COLGALT2: variants seen among roughly 807,000 people sequenced by gnomAD.
The protein encoded by COLGALT2 is collagen beta(1-O)galactosyltransferase 2, also known as procollagen galactosyltransferase 2.
A neutral mutation model predicts 73.4 loss-of-function variants in COLGALT2; 49 were observed. That is an observed-to-expected ratio of 0.67 (90% CI 0.53 to 0.85). The LOEUF is 0.85. COLGALT2 is among the 40% of genes least tolerant of loss of function. COLGALT2 has a pLI of 0.00. For missense variants in COLGALT2, 722 were observed against 790.2 expected, an observed-to-expected ratio of 0.91 and a Z score of 1.03; for synonymous variants, 295 against 307.6, an observed-to-expected ratio of 0.96 and a Z score of 0.43.
chr1:184,016,806 A>G (rs1370558423), intron 1 of COLGALT2, among the ~76,000 whole-genome samples: 5 of 152,224 alleles, frequency 3.3e-5, no homozygotes, highest in Admixed American at 3.3e-4. Flanking sequence ...TCAGAAAAAT[A>G]TTTTATTAGT....
At chr1:183,994,139 C>T (rs1404385603) in intron 1 of COLGALT2, among the ~76,000 whole-genome samples, 3 of 141,578 alleles carry the variant, frequency 2.1e-5, no homozygotes, top group African/African-American at 5.3e-5. Flanking sequence ...CCCGGGTTCA[C>T]ACCATTCTCC....
intron 5 of COLGALT2, 22 bp downstream of exon 5, chr1:183,969,247 T>C: frequency 1.3e-6 from 2 of 1,592,618 alleles, no homozygotes; most frequent in Non-Finnish European, 8.6e-7. Context: ...ATTGTGGCAC[T>C]ACAACCAAAG....
downstream of COLGALT2, among the ~76,000 whole-genome samples, chr1:183,934,144 C>T (rs1669900376): frequency 1.3e-5 from 2 of 152,226 alleles, no homozygotes; most frequent in Middle Eastern, 3.2e-3. Flanking sequence ...CTTGGAACCC[C>T]ATTCAGTGTC....
chr1:184,014,816 T>C (rs1648948228), intron 1 of COLGALT2, among the ~76,000 whole-genome samples: 1 of 152,166 alleles, frequency 6.6e-6, no homozygotes, highest in Non-Finnish European at 1.5e-5. Context: ...AAAATTGAAA[T>C]AATTTTCATC....
chr1:183,963,879 C>G lies in COLGALT2; in HGVS notation c.952+22G>C, dbSNP rs1670790682. 2.5e-6 allele frequency: 4 copies of G among 1,569,152 alleles called. No individual in the cohort carries two copies. In the Admixed American group the frequency reaches 7.1e-5, roughly 28 times the overall value. ...TGTGGCAATGGAACGAGAGCCATCC[C>G]CTCTGCTCCTGGGTCACTCACTCAT... On this transcript the variant is annotated intron_variant, in intron 6 of 11. Transcript: ENST00000361927.
At position 183,937,172 on chromosome 1, in the gene COLGALT2, C is replaced by T. The variant is rs1669978776; in HGVS notation, c.*1589G>A. 1 of 1,226,772 alleles carries T rather than the reference C, an allele frequency of 8.2e-7. No homozygotes were observed. Among genetic ancestry groups the T allele is most frequent in the Non-Finnish European group, 1.0e-6 (1 of 985,444 alleles). The allele number at this position is 1,226,772 out of a possible 1,614,324, so 76.0% of individuals were successfully genotyped here. A position where few individuals can be genotyped will look rare whatever the true frequency, so the allele number is the denominator to read the frequency against. ...GTGGACTCTGCTCTGAAGGGCCCTC[C>T]CCATGAGTTTAAGTGTGAAGCTCAG... On this transcript the variant is annotated 3_prime_UTR_variant, in exon 12 of 12. Transcript: ENST00000361927.
chr1:183,992,485 C>T (rs1671654969), intron 1 of COLGALT2, among the ~76,000 whole-genome samples: 1 of 152,196 alleles, frequency 6.6e-6, no homozygotes, highest in Non-Finnish European at 1.5e-5. Context: ...GGGTCATGAG[C>T]CATCTTCATG....
rs575661785 is a variant in COLGALT2, at chr1:183,936,473, T to C, written c.*2288A>G. ...AATGCTAGAATTTAAGTCCAAAGTC[T>C]TTTAAGAATGAGAGTTCTTAAATCT... is the stretch of plus-strand genomic sequence containing the variant. On this transcript the variant is annotated 3_prime_UTR_variant, in exon 12 of 12. Coordinates refer to ENST00000361927, the MANE Select transcript of COLGALT2 (RefSeq NM_015101.4). 1.9e-4 allele frequency: 191 copies of C among 993,612 alleles called. No homozygotes were observed. The highest frequency in any genetic ancestry group is 2.4e-4 in the Admixed American group (4 of 16,500). The allele number at this position is 993,612 out of a possible 1,614,324, so 61.5% of individuals were successfully genotyped here.
chr1:183,989,381 G>A (rs1466963496), intron 1 of COLGALT2, among the ~76,000 whole-genome samples: 1 of 152,230 alleles, frequency 6.6e-6, no homozygotes, highest in Non-Finnish European at 1.5e-5. Flanking sequence ...TCTGAAACAT[G>A]AGGTCATGGG....
At chr1:183,958,452 A>G (rs963933613) in intron 6 of COLGALT2, among the ~76,000 whole-genome samples, 4 of 152,076 alleles carry the variant, frequency 2.6e-5, no homozygotes, top group African/African-American at 9.7e-5. Flanking sequence ...TGACACCACC[A>G]AATGATGTAA....
At position 183,945,511 on chromosome 1, in the gene COLGALT2, TAGCC is replaced by T; in HGVS notation, c.1186_1189del (p.Gly396IlefsTer10). ...AGGCCTGGAGGAATAGGGATCTCGA[TAGCC>T]AGGCAGCATTTCAATATTCAGTGCC... On this transcript the variant is annotated frameshift_variant, in exon 9 of 12. Transcript: ENST00000361927. LOFTEE classifies it high-confidence loss of function. 2 of 1,614,214 alleles carry T rather than the reference TAGCC, an allele frequency of 1.2e-6. No individual in the cohort carries two copies.
chr1:183,959,279 A>T (rs564029228), intron 6 of COLGALT2, among the ~76,000 whole-genome samples: 20 of 152,260 alleles, frequency 1.3e-4, no homozygotes, highest in African/African-American at 4.6e-4. Flanking sequence ...TCTGATGCTG[A>T]TGATTCTCAA....
chr1:183,988,005 C>T (rs1671531709), intron 1 of COLGALT2, among the ~76,000 whole-genome samples: 1 of 152,208 alleles, frequency 6.6e-6, no homozygotes, highest in Non-Finnish European at 1.5e-5. Flanking sequence ...TATTTCATCT[C>T]TTAATAGCCC....
intron 1 of COLGALT2, among the ~76,000 whole-genome samples, chr1:184,026,317 A>G (rs1003587692): frequency 2.6e-5 from 4 of 152,304 alleles, no homozygotes; most frequent in African/African-American, 7.2e-5. Context: ...TTTGAGAAGG[A>G]TAAAAGATAC....
chr1:184,036,345 A>G (rs1205596134), intron 1 of COLGALT2, among the ~76,000 whole-genome samples: 1 of 152,194 alleles, frequency 6.6e-6, no homozygotes, highest in East Asian at 1.9e-4. Flanking sequence ...GACCAGGTCC[A>G]AGCTTCTTTC....
In COLGALT2 at chr1:183,937,906, C is replaced by G; in HGVS notation, c.*855G>C. On this transcript the variant is annotated 3_prime_UTR_variant, in exon 12 of 12. Coordinates refer to ENST00000361927, the MANE Select transcript of COLGALT2 (RefSeq NM_015101.4). The stretch of plus-strand genomic sequence containing the variant: ...GGGGTGGAGCGGAGAGCGTGAAGCT[C>G]TGTAGCAGCGCGCAAACCCGGGACA... The G allele has an allele frequency of 1.0e-6, 1 of 985,446 alleles. No individual in the cohort carries two copies. Among genetic ancestry groups the G allele is most frequent in the Non-Finnish European group, 1.2e-6 (1 of 829,952 alleles). 61.0% of individuals were successfully genotyped at this position (985,446 alleles called of 1,614,324 possible). A position where few individuals can be genotyped will look rare whatever the true frequency, so the allele number is the denominator to read the frequency against.
At chr1:183,992,986 C>T (rs1671669623) in intron 1 of COLGALT2, among the ~76,000 whole-genome samples, 2 of 152,296 alleles carry the variant, frequency 1.3e-5, no homozygotes, top group Admixed American at 1.3e-4. Flanking sequence ...ATCACTGTAT[C>T]CTCAAGCCCA....
chr1:183,936,570 A>G lies in COLGALT2; in HGVS notation c.*2191T>C. On this transcript the variant is annotated 3_prime_UTR_variant, in exon 12 of 12. Transcript: ENST00000361927. ...AACAAAACACCACAAAAATCAACCC[A>G]AACTTCCTTCAACCCCAGCACCCCA... 2 of 1,132,002 alleles carry G rather than the reference A, an allele frequency of 1.8e-6. No individual in the cohort carries two copies. Among genetic ancestry groups the G allele is most frequent in the Non-Finnish European group, 1.1e-6 (1 of 925,430 alleles). The allele number at this position is 1,132,002 out of a possible 1,614,324, so 70.1% of individuals were successfully genotyped here.
downstream of COLGALT2, chr1:183,935,743 G>T: frequency 1.7e-6 from 1 of 583,486 alleles, no homozygotes; most frequent in Non-Finnish European, 2.2e-6. Flanking sequence ...GGTTCCCCCT[G>T]ACTCTGACAT....
Sources: gnomAD v4.1 joint callset for allele counts (sites outside exome capture counted in the v4.1 genomes callset) on GRCh38, gnomAD v4.1.1 for gene constraint, MANE v1.5 for transcripts, NCBI Gene and HGNC (gene_info 2026-07-23, HGNC 2026-07-21) for gene names.